The following ME1 variants were observed in gnomAD, a reference collection of about 807,000 sequenced individuals.
ME1 encodes malic enzyme 1, also known as NADP-dependent malic enzyme.
ME1 carries 74 observed loss-of-function variants against 66.4 expected under a neutral mutation model. The ratio of observed to expected loss-of-function variants is 1.11; its 90% CI spans 0.92 to 1.35. ME1 has a LOEUF of 1.35. ME1 is among the 40% of genes most tolerant of loss of function. The probability of loss-of-function intolerance (pLI) is 0.00; values close to 1 mark genes in which losing one functional copy is unlikely to be tolerated. For missense variants in ME1, 750 were observed against 694.1 expected, an observed-to-expected ratio of 1.08 and a Z score of -0.90; for synonymous variants, 251 against 235.6, an observed-to-expected ratio of 1.07 and a Z score of -0.60.
chr6:83,237,320 G>A (rs1562455388), intron 9 of ME1, among the ~76,000 whole-genome samples: 21 of 130,916 alleles, frequency 1.6e-4, no homozygotes, highest in African/African-American at 5.8e-4. Flanking sequence ...GAAAGAAAAG[G>A]AAGGAAAGGA....
intron 9 of ME1, among the ~76,000 whole-genome samples, chr6:83,231,890 C>T (rs890086366): frequency 6.6e-6 from 1 of 151,916 alleles, no homozygotes; most frequent in South Asian, 2.1e-4. Context: ...TTATGGATAG[C>T]TGAAACTTTA....
chr6:83,422,728 T>A (rs1389065945), intron 1 of ME1, among the ~76,000 whole-genome samples: 2 of 152,054 alleles, frequency 1.3e-5, no homozygotes, highest in African/African-American at 4.8e-5. Flanking sequence ...AAGAACAGAA[T>A]TGAGATGAGA....
chr6:83,321,980 G>T (rs762560951), intron 5 of ME1, among the ~76,000 whole-genome samples: 4 of 152,200 alleles, frequency 2.6e-5, no homozygotes, highest in African/African-American at 9.6e-5. Context: ...TTGCTGTTCT[G>T]CAGCCTCCGC....
intron 6 of ME1, among the ~76,000 whole-genome samples, chr6:83,306,518 T>C (rs1359768497): frequency 6.6e-6 from 1 of 152,114 alleles, no homozygotes; most frequent in Non-Finnish European, 1.5e-5. Context: ...TTTATTAAAA[T>C]GTTTCTTTTC....
intron 9 of ME1, among the ~76,000 whole-genome samples, chr6:83,232,942 A>G (rs920336338): frequency 3.3e-5 from 5 of 152,218 alleles, no homozygotes; most frequent in Admixed American, 3.3e-4. Context: ...AAATAAAAAT[A>G]AAAACGAAAT....
chr6:83,263,905 C>T (rs891884985), intron 6 of ME1, among the ~76,000 whole-genome samples: 1 of 152,072 alleles, frequency 6.6e-6, no homozygotes, highest in Non-Finnish European at 1.5e-5. Flanking sequence ...GAAGATCTAC[C>T]TAAGCTCATA....
chr6:83,291,079 C>A (rs956794004), intron 6 of ME1, among the ~76,000 whole-genome samples: 5 of 152,100 alleles, frequency 3.3e-5, no homozygotes, highest in African/African-American at 1.2e-4. Context: ...ATCCAATTTG[C>A]CAGTCTGTGT....
intron 3 of ME1, among the ~76,000 whole-genome samples, chr6:83,363,839 T>A (rs1258648912): frequency 6.6e-6 from 1 of 152,384 alleles, no homozygotes; most frequent in Admixed American, 6.5e-5. Context: ...TTAAGTATTG[T>A]TAACTTTATG....
chr6:83,415,474 C>T (rs1465793297), intron 1 of ME1, among the ~76,000 whole-genome samples: 1 of 152,094 alleles, frequency 6.6e-6, no homozygotes, highest in Admixed American at 6.6e-5. Flanking sequence ...AGTACAATGT[C>T]GGGATGGAGC....
At chr6:83,419,545 G>T (rs1770226964) in intron 1 of ME1, among the ~76,000 whole-genome samples, 1 of 152,144 alleles carries the variant, frequency 6.6e-6, no homozygotes, top group Admixed American at 6.5e-5. Context: ...AGTATATAAT[G>T]AAAACACTGG....
intron 3 of ME1, among the ~76,000 whole-genome samples, chr6:83,382,457 A>T (rs1348104774): frequency 6.6e-6 from 1 of 152,082 alleles, no homozygotes; most frequent in African/African-American, 2.4e-5. Flanking sequence ...TTATCTGACA[A>T]TTTCTAAAAT....
At chr6:83,354,112 A>T (rs902550146) in intron 3 of ME1, among the ~76,000 whole-genome samples, 1 of 151,948 alleles carries the variant, frequency 6.6e-6, no homozygotes, top group Non-Finnish European at 1.5e-5. Context: ...TCACTGATGT[A>T]ACTTAAGCAC....
At chr6:83,371,927 G>C (rs1318851498) in intron 3 of ME1, among the ~76,000 whole-genome samples, 1 of 152,116 alleles carries the variant, frequency 6.6e-6, no homozygotes, top group Non-Finnish European at 1.5e-5. Context: ...CTGAATTCCA[G>C]TTCTCTCTGG....
intron 5 of ME1, among the ~76,000 whole-genome samples, chr6:83,324,934 T>C (rs566234951): frequency 2.0e-5 from 3 of 152,202 alleles, no homozygotes; most frequent in African/African-American, 7.2e-5. Context: ...TTCAGGCCAA[T>C]ATCTCTGACG....
intron 6 of ME1, among the ~76,000 whole-genome samples, chr6:83,296,861 A>G (rs544744197): frequency 5.4e-4 from 82 of 151,882 alleles, no homozygotes; most frequent in African/African-American, 1.9e-3. Flanking sequence ...CCTGTATTAA[A>G]CATCTTTAGG....
chr6:83,257,954 G>A (rs1766813571), intron 6 of ME1, among the ~76,000 whole-genome samples: 1 of 152,118 alleles, frequency 6.6e-6, no homozygotes, highest in Non-Finnish European at 1.5e-5. Context: ...GCAGAACTCT[G>A]TGGTCTCAGT....
intron 7 of ME1, among the ~76,000 whole-genome samples, chr6:83,247,620 G>C (rs577264900): frequency 1.3e-4 from 20 of 151,964 alleles, no homozygotes; most frequent in Non-Finnish European, 2.6e-4. Context: ...AATTATTTTT[G>C]TTGGCACTGG....
chr6:83,295,723 C>T (rs909927131), intron 6 of ME1, among the ~76,000 whole-genome samples: 11 of 152,014 alleles, frequency 7.2e-5, no homozygotes, highest in Non-Finnish European at 1.2e-4. Context: ...AAAAGTTTAA[C>T]AAATCCAGGA....
intron 6 of ME1, among the ~76,000 whole-genome samples, chr6:83,307,076 A>G (rs1242509492): frequency 6.6e-6 from 1 of 152,144 alleles, no homozygotes; most frequent in Non-Finnish European, 1.5e-5. Context: ...GGATACTGAC[A>G]GGGATGCAAA....
Sources: gnomAD v4.1 joint callset for allele counts (sites outside exome capture counted in the v4.1 genomes callset) on GRCh38, gnomAD v4.1.1 for gene constraint, MANE v1.5 for transcripts, NCBI Gene and HGNC (gene_info 2026-07-23, HGNC 2026-07-21) for gene names.